The following ADGRD2 variants were observed in gnomAD, a reference collection of about 807,000 sequenced individuals.
ADGRD2 encodes the protein G protein-coupled receptor PGR24.
In ADGRD2, 71 loss-of-function variants were observed where a neutral mutation model predicts 44.4. That is an observed-to-expected ratio of 1.60 (90% CI 1.32 to 1.95). ADGRD2 has a LOEUF of 1.95. Among genes scored for constraint, ADGRD2 ranks in the 30% most tolerant of loss-of-function variants. The pLI, the probability that ADGRD2 is intolerant of heterozygous loss-of-function variation, is 0.00. For synonymous variants in ADGRD2, 481 were observed against 224.8 expected, an observed-to-expected ratio of 2.14 and a Z score of -10.19; for missense variants, 1,039 against 512.4, an observed-to-expected ratio of 2.03 and a Z score of -9.92.
intron 10 of ADGRD2, among the ~76,000 whole-genome samples, chr9:124,459,040 C>T (rs1207232610): frequency 6.6e-6 from 1 of 152,228 alleles, no homozygotes; most frequent in Non-Finnish European, 1.5e-5. Flanking sequence ...GTCTGCATAA[C>T]TTGAAAACCT....
chr9:124,472,020 T>C (rs1831953730), intron 17 of ADGRD2, among the ~76,000 whole-genome samples: 1 of 152,222 alleles, frequency 6.6e-6, no homozygotes, highest in Admixed American at 6.5e-5. Context: ...CTTGTTGCCA[T>C]GGCGATTCCT....
chr9:124,452,748 G>C (rs1456874186), intron 2 of ADGRD2, 26 bp downstream of exon 5: 1 of 700,824 alleles, frequency 1.4e-6, no homozygotes, highest in Non-Finnish European at 2.6e-6. Flanking sequence ...TGGGAAATGG[G>C]AGCAAGGGGC....
At chr9:124,462,088 C>T (rs941460172) in intron 10 of ADGRD2, among the ~76,000 whole-genome samples, 11 of 151,896 alleles carry the variant, frequency 7.2e-5, no homozygotes, top group African/African-American at 2.7e-4. Context: ...GACAGGGTCT[C>T]ATTTTGTTGC....
chr9:124,468,324 G>T, intron 13 of ADGRD2, 134 bp downstream of exon 16: 1 of 680,228 alleles, frequency 1.5e-6, no homozygotes, highest in Non-Finnish European at 2.7e-6. Context: ...GGCCCGGGGA[G>T]GAGCAGGGCC....
At chr9:124,455,304 C>T (rs916977874) in intron 6 of ADGRD2, among the ~76,000 whole-genome samples, 177 bp downstream of exon 9, 5 of 152,190 alleles carry the variant, frequency 3.3e-5, no homozygotes, top group Non-Finnish European at 5.9e-5. Context: ...AACAATTGCA[C>T]TTGAGGCTGG....
chr9:124,463,876 T>C (rs10818975), intron 10 of ADGRD2, among the ~76,000 whole-genome samples: 104,935 of 152,004 alleles, frequency 0.69, 36,893 homozygotes, highest in African/African-American at 0.82. Context: ...CTCCCTCTGT[T>C]GCCCAGGCTG....
chr9:124,456,748 A>T lies in ADGRD2; in HGVS notation c.1505+15A>T, dbSNP rs746695879. 1 of 705,156 alleles carries T rather than the reference A, an allele frequency of 1.4e-6. No individual in the cohort carries two copies. Among genetic ancestry groups the T allele is most frequent in the African/African-American group, 1.7e-5 (1 of 57,318 alleles). 43.7% of individuals were successfully genotyped at this position (705,156 alleles called of 1,614,324 possible). A position where few individuals can be genotyped will look rare whatever the true frequency, so the allele number is the denominator to read the frequency against. On this transcript the variant is annotated intron_variant, in intron 7 of 21. Coordinates refer to ENST00000334810, the Ensembl canonical transcript of ADGRD2. The stretch of plus-strand genomic sequence containing the variant: ...CCGCCATGCTGGTGAGCCTGCACCC[A>T]CCTGCCCACACGGCTGGACTCAGAC...
At chr9:124,464,241 A>C (rs560864937) in intron 10 of ADGRD2, among the ~76,000 whole-genome samples, 1 of 152,316 alleles carries the variant, frequency 6.6e-6, no homozygotes, top group African/African-American at 2.4e-5. Context: ...CATTCAGAAA[A>C]TATAGAAAAG....
exon 8 of ADGRD2, chr9:124,457,512 G>C: frequency 1.5e-6 from 1 of 682,266 alleles, no homozygotes; most frequent in Non-Finnish European, 2.7e-6. Context: ...AGGCCAGCAC[G>C]AGGGGCTGCT....
In ADGRD2 at chr9:124,476,931, C is replaced by T; in HGVS notation, c.*18+222C>T. 4.3e-6 allele frequency: 3 copies of T among 705,710 alleles called. No homozygotes were observed. In the Admixed American group the frequency reaches 6.0e-5, roughly 14 times the overall value. The allele number at this position is 705,710 out of a possible 1,614,324, so 43.7% of individuals were successfully genotyped here. ...CTTCATTAGAGAGTAGGTCATGGAA[C>T]CCTATTCTGAGCGGGCGCTGCCAAG... On this transcript the variant is annotated intron_variant, in intron 21 of 21. Coordinates refer to ENST00000334810, the Ensembl canonical transcript of ADGRD2.
exon 15 of ADGRD2, chr9:124,469,247 C>T: frequency 1.4e-6 from 1 of 716,420 alleles, no homozygotes; most frequent in South Asian, 1.5e-5. Context: ...TCGTGGCGGT[C>T]ACCCTGGCCA....
At chr9:124,453,740 C>T in intron 3 of ADGRD2, 64 bp downstream of exon 6, 1 of 611,362 alleles carries the variant, frequency 1.6e-6, no homozygotes, top group Non-Finnish European at 2.9e-6. Context: ...GACCCTGGAA[C>T]TCGACCCACC....
At chr9:124,453,224 G>T (rs1370875262) in exon 3 of ADGRD2, 3 of 601,786 alleles carry the variant, frequency 5.0e-6, no homozygotes, top group Non-Finnish European at 8.7e-6. Flanking sequence ...CTGCAGCTGC[G>T]CGCCTTCGCC....
intron 16 of ADGRD2, among the ~76,000 whole-genome samples, chr9:124,469,817 T>C (rs1022956481): frequency 6.6e-6 from 1 of 152,274 alleles, no homozygotes; most frequent in Non-Finnish European, 1.5e-5. Context: ...CTGTGGACAC[T>C]GGCCACTGTT....
At chr9:124,469,306 A>G (rs1831896721) in exon 15 of ADGRD2, 1 of 718,226 alleles carries the variant, frequency 1.4e-6, no homozygotes, top group Non-Finnish European at 2.6e-6. Flanking sequence ...CTCAATGTGC[A>G]CACAAATGCC....
At chr9:124,451,997 G>GCCGGGGGGGCCCCCCC, upstream of ADGRD2, 1 of 360,938 alleles carries the variant, frequency 2.8e-6, no homozygotes, top group Non-Finnish European at 5.5e-6. Flanking sequence ...TCCACTGAAT[G>GCCGGGGGGGCCCCCCC]CCCCCCTCCC....
exon 22 of ADGRD2, chr9:124,478,363 A>G (rs1157609228): frequency 6.6e-6 from 1 of 152,532 alleles, no homozygotes; most frequent in African/African-American, 2.4e-5. Context: ...AGAACGGCGC[A>G]GCGGGAGTCC....
intron 10 of ADGRD2, among the ~76,000 whole-genome samples, chr9:124,463,424 A>ATAATGTG (rs1831755709): frequency 6.6e-6 from 1 of 152,194 alleles, no homozygotes; most frequent in Admixed American, 6.5e-5. Context: ...ATGTTCATGA[A>ATAATGTG]TAATGTGTTC....
chr9:124,462,328 C>T (rs1033416434), intron 10 of ADGRD2, among the ~76,000 whole-genome samples: 2 of 152,180 alleles, frequency 1.3e-5, no homozygotes, highest in African/African-American at 4.8e-5. Flanking sequence ...CTTAGCCTCC[C>T]AAAGTGCTGG....
Sources: allele counts gnomAD v4.1 joint callset (sites outside exome capture counted in the v4.1 genomes callset), GRCh38; gene constraint gnomAD v4.1.1; transcripts MANE v1.5; gene names NCBI Gene and HGNC (gene_info 2026-07-23, HGNC 2026-07-21).